The following SORCS2 variants were observed in gnomAD, a reference collection of about 807,000 sequenced individuals.
SORCS2 encodes the protein VPS10 domain-containing receptor SorCS2.
A neutral mutation model predicts 141.6 loss-of-function variants in SORCS2; 100 were observed. That is an observed-to-expected ratio of 0.71 (90% confidence interval 0.60 to 0.83). SORCS2 has a LOEUF of 0.83. Among genes scored for constraint, SORCS2 ranks in the 40% least tolerant of loss-of-function variants. SORCS2 has a pLI of 0.00. For synonymous variants in SORCS2, 789 were observed against 676.9 expected, an observed-to-expected ratio of 1.17 and a Z score of -2.57; for missense variants, 1,646 against 1,560.2, an observed-to-expected ratio of 1.05 and a Z score of -0.93.
At chr4:7,293,252 C>T (rs564927612) in intron 1 of SORCS2, among the ~76,000 whole-genome samples, 74 of 150,676 alleles carry the variant, frequency 4.9e-4, no homozygotes, top group Non-Finnish European at 8.3e-4. Flanking sequence ...TGCAGTGAGC[C>T]GAGATCGCGC....
At chr4:7,318,575 G>A (rs76331230) in intron 1 of SORCS2, among the ~76,000 whole-genome samples, 3 of 152,070 alleles carry the variant, frequency 2.0e-5, no homozygotes, top group African/African-American at 4.8e-5. Context: ...AATGTCTATC[G>A]CATCTATGCC....
At chr4:7,686,857 A>G (rs1026691357) in intron 10 of SORCS2, among the ~76,000 whole-genome samples, 3 of 152,216 alleles carry the variant, frequency 2.0e-5, no homozygotes, top group Non-Finnish European at 4.4e-5. Flanking sequence ...GCAGGCCGCA[A>G]GGCGAATGCA....
At chr4:7,392,935 G>C (rs903876712) in intron 1 of SORCS2, among the ~76,000 whole-genome samples, 1 of 150,738 alleles carries the variant, frequency 6.6e-6, no homozygotes. Flanking sequence ...TGGATGAGTC[G>C]ATGCTTGTCA....
chr4:7,373,024 CCCTATCAT>C (rs1560227933), intron 1 of SORCS2, among the ~76,000 whole-genome samples: 20 of 90,590 alleles, frequency 2.2e-4, no homozygotes, highest in African/African-American at 7.0e-4. Context: ...TTTTTTTTTC[CCCTATCAT>C]GCATAAAGTG....
At chr4:7,485,810 C>T (rs544620220) in intron 2 of SORCS2, among the ~76,000 whole-genome samples, 5 of 152,160 alleles carry the variant, frequency 3.3e-5, no homozygotes, top group South Asian at 2.1e-4. Flanking sequence ...GAGGGAGAGA[C>T]GTGTGGAGGG....
intron 3 of SORCS2, among the ~76,000 whole-genome samples, chr4:7,543,553 A>T (rs1296727048): frequency 1.4e-5 from 2 of 139,256 alleles, no homozygotes; most frequent in East Asian, 4.4e-4. Flanking sequence ...CCGTCCATCC[A>T]TGCACCCACC....
rs536326308 is a variant in SORCS2, at chr4:7,259,535, C to T, written c.480+66409C>T. Among the ~76,000 whole-genome samples the T allele has an allele frequency of 2.4e-4, 36 of 152,336 alleles. No homozygotes were observed. The East Asian group carries it at 3.7e-3, about 16-fold the overall frequency. On this transcript the variant is annotated intron_variant, in intron 1 of 26. Transcript: ENST00000507866. Reference sequence around the variant, plus strand: ...TCCCTGGAACAGGAGCTGTCCCTGACGTCAGGCCCAGGGGTGGCCCTTGGT... The same window carrying T: ...TCCCTGGAACAGGAGCTGTCCCTGATGTCAGGCCCAGGGGTGGCCCTTGGT...
At chr4:7,514,366 T>A (rs778873738) in intron 2 of SORCS2, among the ~76,000 whole-genome samples, 11 of 152,102 alleles carry the variant, frequency 7.2e-5, no homozygotes, top group Non-Finnish European at 1.6e-4. Context: ...CTGCTGCTGC[T>A]TCCTGGGGTG....
chr4:7,389,412 C>T (rs1031175283), intron 1 of SORCS2, among the ~76,000 whole-genome samples: 1 of 152,156 alleles, frequency 6.6e-6, no homozygotes, highest in African/African-American at 2.4e-5. Context: ...TGCCCGTGGG[C>T]CCCACTGATG....
At chr4:7,330,547 C>T (rs895522886) in intron 1 of SORCS2, among the ~76,000 whole-genome samples, 4 of 151,330 alleles carry the variant, frequency 2.6e-5, no homozygotes, top group Admixed American at 2.0e-4. Flanking sequence ...GTGGCTGGGG[C>T]GAGTCCTCAG....
At chr4:7,355,280 G>A (rs1349215770) in intron 1 of SORCS2, among the ~76,000 whole-genome samples, 2 of 151,948 alleles carry the variant, frequency 1.3e-5, no homozygotes, top group Non-Finnish European at 2.9e-5. Flanking sequence ...TGCCCTTCCG[G>A]GTTTATGGCA....
At chr4:7,539,678 C>T (rs1255216792) in intron 3 of SORCS2, among the ~76,000 whole-genome samples, 5 of 152,112 alleles carry the variant, frequency 3.3e-5, no homozygotes, top group African/African-American at 1.2e-4. Flanking sequence ...TGCAAGGCCC[C>T]GACCCCCGTT....
chr4:7,207,065 G>A (rs542878426), intron 1 of SORCS2, among the ~76,000 whole-genome samples: 5 of 152,188 alleles, frequency 3.3e-5, no homozygotes, highest in African/African-American at 7.2e-5. Flanking sequence ...CACTGCTAAC[G>A]TGCTCATCCA....
intron 3 of SORCS2, among the ~76,000 whole-genome samples, chr4:7,591,015 A>G (rs564476913): frequency 1.4e-4 from 21 of 152,258 alleles, no homozygotes; most frequent in African/African-American, 4.8e-4. Flanking sequence ...TGGTGGCCAC[A>G]TGGCTGCATG....
chr4:7,393,758 C>T (rs530258029), intron 1 of SORCS2, among the ~76,000 whole-genome samples: 64 of 152,090 alleles, frequency 4.2e-4, no homozygotes, highest in Non-Finnish European at 7.5e-4. Flanking sequence ...TTCTGAATGA[C>T]GACGGCTCCT....
rs544920574 is a variant in SORCS2, at chr4:7,448,044, G to C, written c.548+51689G>C. 3.9e-4 allele frequency among the ~76,000 whole-genome samples: 59 copies of C among 152,296 alleles called. 1 individual carries two copies. Among genetic ancestry groups the C allele is most frequent in the Middle Eastern group, 3.4e-3 (1 of 294 alleles). Reference sequence around the variant, plus strand: ...GCGGCTCGTGCTGGGGTCAGCGGAGGCTCGCTCTTCTTCACCCTGTGTTAC... The same window carrying C: ...GCGGCTCGTGCTGGGGTCAGCGGAGCCTCGCTCTTCTTCACCCTGTGTTAC... On this transcript the variant is annotated intron_variant, in intron 2 of 26. Coordinates refer to ENST00000507866, the MANE Select transcript of SORCS2 (RefSeq NM_020777.3).
intron 3 of SORCS2, among the ~76,000 whole-genome samples, chr4:7,602,404 C>G (rs1013293718): frequency 1.3e-5 from 2 of 149,828 alleles, no homozygotes; most frequent in Non-Finnish European, 3.0e-5. Flanking sequence ...TCAGACGGGG[C>G]GGCCGGGCAG....
chr4:7,687,573 G>C (rs1723957248), intron 10 of SORCS2, among the ~76,000 whole-genome samples: 1 of 152,096 alleles, frequency 6.6e-6, no homozygotes, highest in Non-Finnish European at 1.5e-5. Flanking sequence ...GCCACCCGAG[G>C]CCCTGTGGTA....
Position 7,636,165 on chromosome 4 carries a change from CGCACCCTGCAGTGTGTGGCTA to C in SORCS2, c.649-2162_649-2142del, listed in dbSNP as rs1423720300. Among the ~76,000 whole-genome samples, 207 of 152,316 alleles carry C rather than the reference CGCACCCTGCAGTGTGTGGCTA, an allele frequency of 1.4e-3. 5 individuals carry two copies. The highest frequency in any genetic ancestry group is 3.4e-3 in the Middle Eastern group (1 of 294). On this transcript the variant is annotated intron_variant, in intron 3 of 26. Coordinates refer to ENST00000507866, the MANE Select transcript of SORCS2 (RefSeq NM_020777.3). ...GCTTAAATGCCCCATTCTGCGTAGG[CGCACCCTGCAGTGTGTGGCTA>C]AGAACAGGGCTCTGGAGTCAAATGC... is the stretch of plus-strand genomic sequence containing the variant.
Sources: gnomAD v4.1 joint callset for allele counts (sites outside exome capture counted in the v4.1 genomes callset) on GRCh38, gnomAD v4.1.1 for gene constraint, MANE v1.5 for transcripts, NCBI Gene and HGNC (gene_info 2026-07-23, HGNC 2026-07-21) for gene names.